The following PLEC variants were observed in gnomAD, a reference collection of about 807,000 sequenced individuals.
PLEC encodes plectin.
A neutral mutation model predicts 392.8 loss-of-function variants in PLEC; 216 were observed. The ratio of observed to expected loss-of-function variants is 0.55; its 90% CI spans 0.49 to 0.62. The LOEUF is 0.62. Among genes scored for constraint, PLEC ranks in the 20% least tolerant of loss-of-function variants. PLEC has a pLI of 0.00. For synonymous variants in PLEC, 3,621 were observed against 2,980.6 expected (o/e 1.21, Z -7.00); for missense variants, 6,863 against 6,563.4 (o/e 1.05, Z -1.58).
intron 22 of PLEC, 50 bp from the exon 23 acceptor site, chr8:143,929,879 C>T (rs936418135): frequency 8.1e-6 from 13 of 1,601,946 alleles, no homozygotes; most frequent in Non-Finnish European, 1.0e-5. Flanking sequence ...CCGTGCCCTG[C>T]ACAACGCCTC....
intron 1 of PLEC, chr8:143,946,688 C>CTG: frequency 4.0e-6 from 1 of 249,140 alleles, no homozygotes; most frequent in Non-Finnish European, 8.2e-6. Context: ...AGCAGACCCC[C>CTG]CGCCCAGCAG....
Position 143,934,912 on chromosome 8 carries a change from CCAGCGCAGCTG to C in PLEC, c.832_842del (p.Gln278AlafsTer22). 6.2e-7 allele frequency: 1 copy of C among 1,611,248 alleles called. No homozygotes were observed. The highest frequency in any genetic ancestry group is 8.5e-7 in the Non-Finnish European group (1 of 1,179,752). On this transcript the variant is annotated frameshift_variant, in exon 9 of 32. Coordinates refer to ENST00000345136, the MANE Select transcript of PLEC (RefSeq NM_201384.3). LOFTEE classifies it high-confidence loss of function. Reference sequence around the variant, plus strand: ...GCAGCACCAGCTCCCGGTACTCCTGCCAGCGCAGCTGCAGCTCCTGCGGGCAGGCACGGGCG... The same window carrying C: ...GCAGCACCAGCTCCCGGTACTCCTGCCAGCTCCTGCGGGCAGGCACGGGCG...
Position 143,932,707 on chromosome 8 carries a change from C to T in PLEC, c.1743G>A (p.Gln581=). Residue 581 remains glutamine (Q), a synonymous_variant, in exon 15 of 32, where the codon CAG becomes CAA. Coordinates refer to ENST00000345136, the MANE Select transcript of PLEC (RefSeq NM_201384.3). ...KIERARSDEG[Q]LSPATRGAYR... is the part of the protein sequence containing the mutation. Reference sequence around the variant, plus strand: ...AGGCACCCCGGGTGGCGGGGGAGAGCTGGCCCTGCAACAGATGAGACGGTG... The same window carrying T: ...AGGCACCCCGGGTGGCGGGGGAGAGTTGGCCCTGCAACAGATGAGACGGTG... The T allele has an allele frequency of 6.2e-7, 1 of 1,606,824 alleles. No individual in the cohort carries two copies. Among genetic ancestry groups the T allele is most frequent in the Non-Finnish European group, 8.5e-7 (1 of 1,177,318 alleles).
chr8:143,938,468 G>C (rs1166860078), intron 2 of PLEC, 163 bp downstream of exon 2: 2 of 1,546,856 alleles, frequency 1.3e-6, no homozygotes, highest in Admixed American at 3.8e-5. Flanking sequence ...GAGAGAGGCA[G>C]GAGCAGGCGT....
Position 143,929,649 on chromosome 8 carries a change from G to A in PLEC, c.2920C>T (p.Gln974Ter). The A allele has an allele frequency of 6.2e-7, 1 of 1,605,440 alleles. No individual in the cohort carries two copies. Among genetic ancestry groups the A allele is most frequent in the Non-Finnish European group, 8.5e-7 (1 of 1,179,734 alleles). ...HYQQLLQSLE[Q>*]GAQEESRCQR... The stretch of plus-strand genomic sequence containing the variant: ...CCCCAGCCCTGCCGTGCCCTACCCT[G>A]TTCCAGGCTCTGCAGCAGCTGCTGG... The change falls in exon 23 of 32, where the codon CAG becomes TAG. Residue 974 changes from glutamine (Q) to a stop codon, truncating the protein, a stop_gained. Transcript: ENST00000345136. LOFTEE classifies it high-confidence loss of function.
rs553240680 is a variant in PLEC, at chr8:143,918,010, A to G, written c.11811T>C (p.Gly3937=). The G allele has an allele frequency of 6.2e-7, 1 of 1,611,722 alleles. No individual in the cohort carries two copies. The highest frequency in any genetic ancestry group is 1.7e-5 in the Admixed American group (1 of 59,940). ...KFLEGTSCIA[G]VFVDATKERL... The stretch of plus-strand genomic sequence containing the variant: ...GTTCCTTGGTGGCGTCCACGAAGAC[A>G]CCAGCGATGCAGCTGGTGCCTTCCA... Residue 3937 remains glycine, a synonymous_variant, in exon 32 of 32, where the codon GGT becomes GGC. Coordinates refer to ENST00000345136, the MANE Select transcript of PLEC (RefSeq NM_201384.3).
Position 143,922,831 on chromosome 8 carries a change from C to A in PLEC, c.7098G>T (p.Arg2366=), listed in dbSNP as rs79489944. Residue 2366 remains arginine, a synonymous_variant, in exon 31 of 32, where the codon CGG becomes CGT. Coordinates refer to ENST00000345136, the MANE Select transcript of PLEC (RefSeq NM_201384.3). The part of the protein sequence containing the change: ...QLAEETQGFQ[R]TLEAERQRQL... ...GCCGCTGCCGCTCGGCCTCCAGCGT[C>A]CGCTGGAAGCCCTGCGTCTCCTCCG... 1.2e-4 allele frequency: 191 copies of A among 1,582,648 alleles called. 1 individual carries two copies. The African/African-American group carries it at 2.3e-3, about 19-fold the overall frequency.
upstream of PLEC, chr8:143,944,041 G>T: frequency 8.1e-7 from 1 of 1,231,900 alleles, no homozygotes; most frequent in Non-Finnish European, 1.1e-6. Context: ...ATACGCGGCG[G>T]CAGCCCCACA....
chr8:143,957,760 A>C (rs1587389241), upstream of PLEC, among the ~76,000 whole-genome samples: 1 of 151,696 alleles, frequency 6.6e-6, no homozygotes. Context: ...GCCCACCACC[A>C]CCCTGCCTGC....
chr8:143,926,156 G>A (rs559186491), intron 30 of PLEC, among the ~76,000 whole-genome samples: 1 of 152,206 alleles, frequency 6.6e-6, no homozygotes, highest in Non-Finnish European at 1.5e-5. Flanking sequence ...AGACGGACGG[G>A]GAGAGAGAGA....
intron 1 of PLEC, among the ~76,000 whole-genome samples, chr8:143,970,433 C>A (rs1429921899): frequency 1.3e-5 from 2 of 152,152 alleles, no homozygotes; most frequent in Non-Finnish European, 2.9e-5. Flanking sequence ...GATTTGGCCG[C>A]CCCTTTACAG....
chr8:143,934,104 C>A lies in PLEC; in HGVS notation c.1170-13G>T. ...AAGACACTCCAGCCTGCAGCAGCAGCACAGGGAAGGGGCCGCGTTGGCCGG... is the reference window on the plus strand; with the variant it reads ...AAGACACTCCAGCCTGCAGCAGCAGAACAGGGAAGGGGCCGCGTTGGCCGG... On this transcript the variant is annotated splice_polypyrimidine_tract_variant and intron_variant, in intron 11 of 31. Coordinates refer to ENST00000345136, the MANE Select transcript of PLEC (RefSeq NM_201384.3). The A allele has an allele frequency of 6.2e-7, 1 of 1,610,356 alleles. No homozygotes were observed. Among genetic ancestry groups the A allele is most frequent in the Non-Finnish European group, 8.5e-7 (1 of 1,178,886 alleles).
At position 143,922,073 on chromosome 8, in the gene PLEC, T is replaced by C. The variant is rs1379372634; in HGVS notation, c.7748A>G (p.Gln2583Arg). The C allele has an allele frequency of 6.3e-7, 1 of 1,581,016 alleles. No homozygotes were observed. The highest frequency in any genetic ancestry group is 8.5e-7 in the Non-Finnish European group (1 of 1,171,546). Residue 2583 changes from glutamine to arginine, a missense_variant, in exon 32 of 32, where the codon CAG becomes CGG. By Grantham distance (43) the Gln-to-Arg change is conservative. Coordinates refer to ENST00000345136, the MANE Select transcript of PLEC (RefSeq NM_201384.3). ...GTTCTCCTCAGCCAGCAGCTCCTCC[T>C]GCTGCCGCCGCTGCTGCTCCAGCTG... ...LQQLEQQRRQ[Q>R]EELLAEENQR...
chr8:143,950,761 C>T (rs967130555), exon 1 of PLEC: 48 of 1,535,790 alleles, frequency 3.1e-5, no homozygotes, highest in Non-Finnish European at 3.7e-5. Context: ...CAGGGTACCA[C>T]GAGAAGGCCC....
At chr8:143,938,875 C>T (rs1829793501) in intron 1 of PLEC, among the ~76,000 whole-genome samples, 183 bp from the exon 2 acceptor site, 1 of 152,054 alleles carries the variant, frequency 6.6e-6, no homozygotes, top group Admixed American at 6.5e-5. Context: ...CAGCAGAGAC[C>T]CAGGTGCCAG....
At chr8:143,953,974 C>A (rs530148898), upstream of PLEC, 635 of 1,244,680 alleles carry the variant, frequency 5.1e-4, 3 homozygotes, top group African/African-American at 9.2e-3. Context: ...GCGCACCCCT[C>A]CCCCCCAGCC....
chr8:143,942,131 G>A (rs1587281192), upstream of PLEC, among the ~76,000 whole-genome samples: 1 of 151,774 alleles, frequency 6.6e-6, no homozygotes, highest in East Asian at 2.0e-4. Context: ...AGGCTGACGT[G>A]GAACAGCCGG....
rs782141468 is a variant in PLEC at position 143,923,148 on chromosome 8, T to G, written c.6781A>C (p.Asn2261His). The G allele has an allele frequency of 6.2e-7, 1 of 1,602,860 alleles. No individual in the cohort carries two copies. Among genetic ancestry groups the G allele is most frequent in the South Asian group, 1.1e-5 (1 of 91,084 alleles). Residue 2261 changes from asparagine (N) to histidine (H), a missense_variant, in exon 31 of 32, where the codon AAT (asparagine) becomes CAT (histidine). Asn to His is a moderately conservative substitution (Grantham distance 68). Coordinates refer to ENST00000345136, the MANE Select transcript of PLEC (RefSeq NM_201384.3). ...NRALILRDKD[N>H]TQRFLQEEAE... ...TCCTCCTGCAGGAAGCGCTGCGTAT[T>G]GTCCTTGTCACGCAAGATGAGTGCG...
rs199721954 is a variant in PLEC at position 143,930,221 on chromosome 8, G to T, written c.2535C>A (p.Ser845=). ...QPSHWKVLSS[S]GSEAAVPSVC... is the part of the protein sequence containing the mutation. ...CGGAGGGCACGGCGGCCTCGCTGCCGGAGCTGCTGAGCACCTTCCAGTGGG... is the reference window on the plus strand; with the variant it reads ...CGGAGGGCACGGCGGCCTCGCTGCCTGAGCTGCTGAGCACCTTCCAGTGGG... The change falls in exon 21 of 32, where the codon TCC becomes TCA. Residue 845 remains serine (S), a synonymous_variant. Transcript: ENST00000345136. 3 of 1,588,362 alleles carry T rather than the reference G, an allele frequency of 1.9e-6. No individual in the cohort carries two copies. The highest frequency in any genetic ancestry group is 2.3e-5 in the East Asian group (1 of 44,090).
Sources: gnomAD v4.1 joint callset for allele counts (sites outside exome capture counted in the v4.1 genomes callset) on GRCh38, gnomAD v4.1.1 for gene constraint, MANE v1.5 for transcripts, NCBI Gene and HGNC (gene_info 2026-07-23, HGNC 2026-07-21) for gene names.